The following GRM7 variants were observed in gnomAD, a reference collection of about 807,000 sequenced individuals.
GRM7 encodes metabotropic glutamate receptor 7.
In GRM7, 35 loss-of-function variants were observed where a neutral mutation model predicts 84.5. The ratio of observed to expected loss-of-function variants is 0.41; its 90% CI spans 0.32 to 0.55. The LOEUF (loss-of-function observed/expected upper bound fraction) is 0.55, where lower values mean the gene tolerates loss of function less well. Among genes scored for constraint, GRM7 ranks in the 20% least tolerant of loss-of-function variants. GRM7 has a pLI of 0.19. For missense variants in GRM7, 1,003 were observed against 1,194.6 expected (o/e 0.84, Z 2.36); for synonymous variants, 487 against 455.1 (o/e 1.07, Z -0.89).
intron 8 of GRM7, among the ~76,000 whole-genome samples, chr3:7,660,482 T>A (rs1699392774): frequency 6.6e-6 from 1 of 152,232 alleles, no homozygotes; most frequent in African/African-American, 2.4e-5. Context: ...AATTATAAAA[T>A]ATTTGTGAAA....
chr3:7,346,948 C>T (rs948944529), intron 4 of GRM7, among the ~76,000 whole-genome samples: 4 of 152,048 alleles, frequency 2.6e-5, no homozygotes, highest in Admixed American at 6.6e-5. Flanking sequence ...CAAGTGAGAT[C>T]GTGTGCTATA....
At position 6,919,498 on chromosome 3, in the gene GRM7, G is replaced by A. The variant is rs1026885057; in HGVS notation, c.519+57591G>A. ...GCTGGGATTACAGGAGTGAGCCACCGCACCTGGCCAGAAATATATTTTATA... is the reference window on the plus strand; with the variant it reads ...GCTGGGATTACAGGAGTGAGCCACCACACCTGGCCAGAAATATATTTTATA... On this transcript the variant is annotated intron_variant, in intron 1 of 9. Transcript: ENST00000357716. 3.3e-5 allele frequency among the ~76,000 whole-genome samples: 5 copies of A among 150,298 alleles called. No individual in the cohort carries two copies. In the South Asian group the frequency reaches 8.5e-4, roughly 25 times the overall value.
intron 2 of GRM7, among the ~76,000 whole-genome samples, chr3:7,259,953 GT>G (rs1164961076): frequency 1.7e-4 from 15 of 89,640 alleles, no homozygotes; most frequent in Non-Finnish European, 2.1e-4. Flanking sequence ...ACCAGCATCT[GT>G]TTTTTTTTTT....
intron 1 of GRM7, among the ~76,000 whole-genome samples, chr3:7,086,385 C>CT (rs940597154): frequency 9.9e-5 from 15 of 151,916 alleles, no homozygotes; most frequent in South Asian, 2.1e-4. Flanking sequence ...TTTAAACACA[C>CT]TTTTTTTGTT....
chr3:7,351,155 G>A (rs79503913), intron 4 of GRM7, among the ~76,000 whole-genome samples: 18 of 151,852 alleles, frequency 1.2e-4, no homozygotes, highest in African/African-American at 4.4e-4. Context: ...AATGCAAACA[G>A]GTTCTTTGTT....
intron 8 of GRM7, chr3:7,591,565 A>T: frequency 2.5e-6 from 1 of 406,420 alleles, no homozygotes; most frequent in African/African-American, 2.1e-5. Flanking sequence ...AACTTCCTCA[A>T]AGATAGAGGT....
At chr3:6,962,490 C>T (rs1452177150) in intron 1 of GRM7, among the ~76,000 whole-genome samples, 1 of 152,088 alleles carries the variant, frequency 6.6e-6, no homozygotes, top group Non-Finnish European at 1.5e-5. Flanking sequence ...ACTAGCACTA[C>T]AAAGATAAAA....
chr3:6,931,173 C>A (rs1037643437), intron 1 of GRM7, among the ~76,000 whole-genome samples: 2 of 152,136 alleles, frequency 1.3e-5, no homozygotes, highest in African/African-American at 4.8e-5. Context: ...TCAGGAAGTG[C>A]AAGACAGTAT....
intron 9 of GRM7, among the ~76,000 whole-genome samples, chr3:7,696,344 T>C (rs1388650229): frequency 2.6e-5 from 4 of 152,336 alleles, no homozygotes; most frequent in Admixed American, 1.3e-4. Context: ...ATGCTTTCTA[T>C]TCATTCATTC....
At chr3:7,590,904 C>T (rs1179886257) in intron 8 of GRM7, among the ~76,000 whole-genome samples, 1 of 152,148 alleles carries the variant, frequency 6.6e-6, no homozygotes, top group East Asian at 1.9e-4. Flanking sequence ...AATGAAAGTA[C>T]CTTAAAGGTA....
chr3:7,360,001 T>C (rs1693590156), intron 4 of GRM7, among the ~76,000 whole-genome samples: 1 of 148,206 alleles, frequency 6.7e-6, no homozygotes, highest in African/African-American at 2.6e-5. Flanking sequence ...CAGCAAAAGT[T>C]TGCTATTGAT....
intron 1 of GRM7, among the ~76,000 whole-genome samples, chr3:7,015,184 T>C (rs1247921154): frequency 6.6e-6 from 1 of 151,016 alleles, no homozygotes; most frequent in Non-Finnish European, 1.5e-5. Context: ...CCTTCCCTGC[T>C]GTGGAAGCTT....
chr3:7,411,155 G>A (rs1695920118), intron 4 of GRM7, among the ~76,000 whole-genome samples: 1 of 152,086 alleles, frequency 6.6e-6, no homozygotes, highest in African/African-American at 2.4e-5. Context: ...CAGCCCTCAC[G>A]AATAATCCAG....
intron 4 of GRM7, among the ~76,000 whole-genome samples, chr3:7,390,461 C>T (rs1287514191): frequency 1.3e-5 from 2 of 152,072 alleles, no homozygotes; most frequent in Admixed American, 6.6e-5. Context: ...TTTCTTTTCT[C>T]ATTCAGGAAT....
intron 1 of GRM7, among the ~76,000 whole-genome samples, chr3:7,145,366 G>T (rs989471957): frequency 5.9e-5 from 9 of 152,082 alleles, no homozygotes; most frequent in African/African-American, 1.9e-4. Flanking sequence ...ACAAAGAAGG[G>T]AACAAATGTT....
intron 7 of GRM7, among the ~76,000 whole-genome samples, chr3:7,532,313 T>C (rs1166212338): frequency 6.6e-6 from 1 of 152,230 alleles, no homozygotes; most frequent in Non-Finnish European, 1.5e-5. Flanking sequence ...GTTATTGGTC[T>C]ATTCAGGGAT....
chr3:6,982,927 A>G (rs1694262782), intron 1 of GRM7, among the ~76,000 whole-genome samples: 1 of 152,358 alleles, frequency 6.6e-6, no homozygotes, highest in East Asian at 1.9e-4. Context: ...TCACAAATGC[A>G]GCTATTAAAA....
At chr3:7,124,803 A>T (rs978511053) in intron 1 of GRM7, among the ~76,000 whole-genome samples, 2 of 152,158 alleles carry the variant, frequency 1.3e-5, no homozygotes, top group African/African-American at 4.8e-5. Flanking sequence ...CATGAAATAT[A>T]ATGTCTTGTA....
At chr3:7,489,940 A>G (rs372721928) in intron 7 of GRM7, among the ~76,000 whole-genome samples, 2 of 151,756 alleles carry the variant, frequency 1.3e-5, no homozygotes, top group Admixed American at 6.6e-5. Context: ...GCATAACACT[A>G]TATACTCCAT....
Sources: allele counts gnomAD v4.1 joint callset (sites outside exome capture counted in the v4.1 genomes callset), GRCh38; gene constraint gnomAD v4.1.1; transcripts MANE v1.5; gene names NCBI Gene and HGNC (gene_info 2026-07-23, HGNC 2026-07-21).